CAPN3: variants seen among roughly 807,000 people sequenced by gnomAD.
CAPN3 encodes calpain-3.
In CAPN3, 88 loss-of-function variants were observed where a neutral mutation model predicts 114.0. The observed-to-expected ratio is 0.77, with a 90% CI of 0.65 to 0.92. The LOEUF (loss-of-function observed/expected upper bound fraction) is 0.92. Ranked by LOEUF, CAPN3 falls within the 40% of genes least tolerant of loss-of-function variation. The probability of loss-of-function intolerance (pLI) is 0.00; values close to 1 mark genes in which losing one functional copy is unlikely to be tolerated. For missense variants in CAPN3, 1,028 were observed against 1,069.0 expected (o/e 0.96, Z 0.53); for synonymous variants, 386 against 382.9 (o/e 1.01, Z -0.09).
chr15:42,370,905 A>T (rs1220130494), intron 1 of CAPN3, among the ~76,000 whole-genome samples: 1 of 150,372 alleles, frequency 6.7e-6, no homozygotes, highest in African/African-American at 2.5e-5. Context: ...ATAACATCAG[A>T]GCACAGGCTC....
At chr15:42,379,565 C>G (rs2053183294) in intron 1 of CAPN3, among the ~76,000 whole-genome samples, 1 of 152,092 alleles carries the variant, frequency 6.6e-6, no homozygotes, top group Admixed American at 6.6e-5. Context: ...CTGGATTTGT[C>G]TATTTCTCCT....
chr15:42,392,317 C>T (rs951462901), intron 6 of CAPN3, among the ~76,000 whole-genome samples: 1 of 152,132 alleles, frequency 6.6e-6, no homozygotes, highest in African/African-American at 2.4e-5. Context: ...CCAACTCTAC[C>T]CCTTCCTCCT....
chr15:42,392,353 A>G (rs1197162017), intron 6 of CAPN3, among the ~76,000 whole-genome samples: 1 of 151,988 alleles, frequency 6.6e-6, no homozygotes, highest in African/African-American at 2.4e-5. Flanking sequence ...GGGTCCAGAA[A>G]GGAGGGGCAG....
At chr15:42,366,153 A>T (rs1325269550) in intron 1 of CAPN3, among the ~76,000 whole-genome samples, 1 of 152,248 alleles carries the variant, frequency 6.6e-6, no homozygotes, top group Non-Finnish European at 1.5e-5. Flanking sequence ...AAATTCAGAA[A>T]TGTGAGGGAA....
At chr15:42,392,450 G>C (rs1354305826) in intron 6 of CAPN3, among the ~76,000 whole-genome samples, 189 bp from the exon 7 acceptor site, 1 of 152,172 alleles carries the variant, frequency 6.6e-6, no homozygotes, top group Non-Finnish European at 1.5e-5. Flanking sequence ...AGCCTGTCTG[G>C]AGCTGTGTCT....
At chr15:42,390,883 A>C (rs1337790532) in intron 6 of CAPN3, among the ~76,000 whole-genome samples, 1 of 147,950 alleles carries the variant, frequency 6.8e-6, no homozygotes, top group East Asian at 2.0e-4. Context: ...CTCTGCCTCC[A>C]AAGTTAAACT....
At chr15:42,376,252 C>G (rs2053086418) in intron 1 of CAPN3, among the ~76,000 whole-genome samples, 1 of 152,172 alleles carries the variant, frequency 6.6e-6, no homozygotes, top group Admixed American at 6.5e-5. Context: ...ACTCTGGAAG[C>G]AAGACACTAA....
intron 16 of CAPN3, chr15:42,408,909 G>A (rs938254209): frequency 3.5e-5 from 11 of 311,218 alleles, no homozygotes; most frequent in Non-Finnish European, 5.6e-5. Flanking sequence ...GGGGCCTAGG[G>A]GAGGTTCTCT....
At chr15:42,402,299 C>T in intron 12 of CAPN3, 164 bp downstream of exon 12, 39 of 1,569,288 alleles carry the variant, frequency 2.5e-5, no homozygotes, top group Non-Finnish European at 3.3e-5. Context: ...TGCCTCAGGG[C>T]ATTGCATGAC....
At chr15:42,372,797 G>A (rs1320646379) in intron 1 of CAPN3, among the ~76,000 whole-genome samples, 1 of 151,962 alleles carries the variant, frequency 6.6e-6, no homozygotes, top group Admixed American at 6.6e-5. Context: ...GCAGTGAGCC[G>A]AGATCGTGCC....
intron 13 of CAPN3, 94 bp downstream of exon 13, chr15:42,403,096 C>T (rs554969512): frequency 1.0e-6 from 1 of 977,362 alleles, no homozygotes; most frequent in East Asian, 2.5e-5. Context: ...ACGTCTCCTC[C>T]AGGGTCCTTC....
chr15:42,403,018 G>A lies in CAPN3; in HGVS notation c.1745+16G>A, dbSNP rs752912494. 1.9e-6 allele frequency: 3 copies of A among 1,609,204 alleles called. No homozygotes were observed. The Admixed American group carries it at 5.0e-5, about 27-fold the overall frequency. ...ACCTCTCTGAGTGAGTGCTGGCCCA[G>A]CTTTCCCACGTGTTTCTAAAAGCTC... On this transcript the variant is annotated intron_variant, in intron 13 of 23. Coordinates refer to ENST00000397163, the MANE Select transcript of CAPN3 (RefSeq NM_000070.3).
intron 21 of CAPN3, 43 bp downstream of exon 21, chr15:42,410,709 G>A (rs753820154): frequency 6.5e-7 from 1 of 1,543,234 alleles, no homozygotes; most frequent in African/African-American, 1.4e-5. Context: ...ACCCGAGACG[G>A]TGGGAGCAGG....
rs764635656 is a variant in CAPN3 at position 42,402,785 on chromosome 15, ATC to A, written c.1537-4_1537-3del. On this transcript the variant is annotated splice_region_variant and splice_polypyrimidine_tract_variant and intron_variant, in intron 12 of 23. Coordinates refer to ENST00000397163, the MANE Select transcript of CAPN3 (RefSeq NM_000070.3). ...GGCTCATGTGCCCTGGGCTCTCCCC[ATC>A]TCTCAGATGCACGGGAACAAGCAGC... 2.5e-6 allele frequency: 4 copies of A among 1,613,878 alleles called. No homozygotes were observed. The South Asian group carries it at 4.4e-5, about 18-fold the overall frequency.
At chr15:42,396,079 A>C (rs1298079802) in intron 8 of CAPN3, among the ~76,000 whole-genome samples, 2 of 152,140 alleles carry the variant, frequency 1.3e-5, no homozygotes, top group Admixed American at 1.3e-4. Context: ...CTTTGCATGC[A>C]TTATTGCATC....
chr15:42,410,803 G>A (rs2054194688), intron 21 of CAPN3, 81 bp from the exon 22 acceptor site: 1 of 1,394,020 alleles, frequency 7.2e-7, no homozygotes. Context: ...AGGTCACAGA[G>A]TGGCCGAGAG....
At chr15:42,411,167 C>A in intron 22 of CAPN3, 120 bp from the exon 23 acceptor site, 1 of 1,029,630 alleles carries the variant, frequency 9.7e-7, no homozygotes, top group Non-Finnish European at 1.5e-6. Context: ...TGATTCTCTG[C>A]CTGCACATCT....
chr15:42,402,061 C>A, intron 11 of CAPN3, 63 bp from the exon 12 acceptor site: 1 of 1,608,378 alleles, frequency 6.2e-7, no homozygotes, highest in Non-Finnish European at 8.5e-7. Context: ...GCTGGCATTG[C>A]CTTCCGCAGG....
chr15:42,376,653 A>G (rs2053096816), intron 1 of CAPN3, among the ~76,000 whole-genome samples: 1 of 151,760 alleles, frequency 6.6e-6, no homozygotes, highest in Non-Finnish European at 1.5e-5. Flanking sequence ...TCCAAGGAGC[A>G]CTGGTTTCTT....
Sources: gnomAD v4.1 joint callset for allele counts (sites outside exome capture counted in the v4.1 genomes callset) on GRCh38, gnomAD v4.1.1 for gene constraint, MANE v1.5 for transcripts, NCBI Gene and HGNC (gene_info 2026-07-23, HGNC 2026-07-21) for gene names.